Variants in CCDC85C observed in about 807,000 individuals in gnomAD.
CCDC85C encodes the protein coiled-coil domain containing 85C, also known as coiled-coil domain-containing protein 85C.
CCDC85C carries 18 observed loss-of-function variants against 38.3 expected under a neutral mutation model. That is an observed-to-expected ratio of 0.47 (90% CI 0.33 to 0.70). The LOEUF is 0.70. Among genes scored for constraint, CCDC85C ranks in the 30% least tolerant of loss-of-function variants. CCDC85C has a pLI of 0.03. For synonymous variants in CCDC85C, 264 were observed against 293.8 expected, an observed-to-expected ratio of 0.90 and a Z score of 1.04; for missense variants, 566 against 621.2, an observed-to-expected ratio of 0.91 and a Z score of 0.94.
Position 99,545,868 on chromosome 14 carries a change from C to A in CCDC85C, c.794-9780G>T, listed in dbSNP as rs1232281157. ...TGGGCATCAGTTTGCATTTTAAACG[C>A]CCTGTGGGTGATTCTAACATGCAGC... On this transcript the variant is annotated intron_variant, in intron 1 of 5. Coordinates refer to ENST00000380243, the MANE Select transcript of CCDC85C (RefSeq NM_001144995.2). This position sits in a 1 kb window ranked among gnomAD's most constrained non-coding sequence, Gnocchi z 4.7. Among the ~76,000 whole-genome samples, 1 of 152,080 alleles carries A rather than the reference C, an allele frequency of 6.6e-6. No individual in the cohort carries two copies. The highest frequency in any genetic ancestry group is 1.9e-4 in the East Asian group (1 of 5,154).
intron 1 of CCDC85C, among the ~76,000 whole-genome samples, chr14:99,565,669 G>A (rs1203166995): frequency 6.6e-6 from 1 of 152,202 alleles, no homozygotes; most frequent in African/African-American, 2.4e-5. Context: ...TCTCCCTGGT[G>A]CAGGTGGATA....
At chr14:99,539,778 TTTTA>T (rs1175565843) in intron 1 of CCDC85C, among the ~76,000 whole-genome samples, 1 of 152,234 alleles carries the variant, frequency 6.6e-6, no homozygotes. Context: ...ACCAGTGGGT[TTTTA>T]TTTATTCACA....
In CCDC85C at chr14:99,512,063, T is replaced by A. The variant is rs1897143496; in HGVS notation, c.*3183A>T. The stretch of plus-strand genomic sequence containing the variant: ...GCTCACAAAGAGGCCTTTATTTATC[T>A]AGCTCAAAGTAGACACTATCACAAT... On this transcript the variant is annotated 3_prime_UTR_variant, in exon 6 of 6. Coordinates refer to ENST00000380243, the MANE Select transcript of CCDC85C (RefSeq NM_001144995.2). 1 of 152,278 alleles carries A rather than the reference T, an allele frequency of 6.6e-6. No homozygotes were observed. Among genetic ancestry groups the A allele is most frequent in the African/African-American group, 2.4e-5 (1 of 41,476 alleles). 9.4% of individuals were successfully genotyped at this position (152,278 alleles called of 1,614,324 possible).
At position 99,558,142 on chromosome 14, in the gene CCDC85C, G is replaced by A. The variant is rs930606344; in HGVS notation, c.794-22054C>T. Among the ~76,000 whole-genome samples the A allele has an allele frequency of 1.4e-4, 22 of 152,120 alleles. No individual in the cohort carries two copies. The highest frequency in any genetic ancestry group is 4.6e-4 in the Admixed American group (7 of 15,266). ...TTTCTCAGGGTCTCCTTGAAACCACGAGGTTTCCAGTGTGGACTGATGGCA... is the reference window on the plus strand; with the variant it reads ...TTTCTCAGGGTCTCCTTGAAACCACAAGGTTTCCAGTGTGGACTGATGGCA... On this transcript the variant is annotated intron_variant, in intron 1 of 5. Transcript: ENST00000380243. This position sits in a 1 kb window ranked among gnomAD's most constrained non-coding sequence, Gnocchi z 4.2.
In CCDC85C at chr14:99,576,070, C is replaced by G. The variant is rs1223902449; in HGVS notation, c.793+27097G>C. Among the ~76,000 whole-genome samples the G allele has an allele frequency of 6.6e-6, 1 of 152,194 alleles. No homozygotes were observed. Among genetic ancestry groups the G allele is most frequent in the Non-Finnish European group, 1.5e-5 (1 of 68,028 alleles). On this transcript the variant is annotated intron_variant, in intron 1 of 5. Transcript: ENST00000380243. This position sits in a 1 kb window ranked among gnomAD's most constrained non-coding sequence, Gnocchi z 4.8. The stretch of plus-strand genomic sequence containing the variant: ...CCTCCAAACCTCACCGATCTGTGCC[C>G]GTCTAATGAGGGTGGCTCACACTAA...
chr14:99,576,190 G>A lies in CCDC85C; in HGVS notation c.793+26977C>T, dbSNP rs1226863071. Among the ~76,000 whole-genome samples the A allele has an allele frequency of 3.9e-5, 6 of 152,342 alleles. No homozygotes were observed. Among genetic ancestry groups the A allele is most frequent in the Non-Finnish European group, 5.9e-5 (4 of 68,036 alleles). Reference sequence around the variant, plus strand: ...GCATAAACAGACCACAAGTCAAACTGTGACCTTGGGTGAGGATTTCAAGAG... The same window carrying A: ...GCATAAACAGACCACAAGTCAAACTATGACCTTGGGTGAGGATTTCAAGAG... On this transcript the variant is annotated intron_variant, in intron 1 of 5. Transcript: ENST00000380243. This position sits in a 1 kb window ranked among gnomAD's most constrained non-coding sequence, Gnocchi z 4.8.
rs901406611 is a variant in CCDC85C, at chr14:99,502,477, A to G, written c.*12769T>C. 4 of 1,463,058 alleles carry G rather than the reference A, an allele frequency of 2.7e-6. No homozygotes were observed. The highest frequency in any genetic ancestry group is 2.9e-5 in the South Asian group (2 of 69,826). The allele number at this position is 1,463,058 out of a possible 1,614,324, so 90.6% of individuals were successfully genotyped here. ...AGAATGGATTTTCCCAGATAGACAT[A>G]TGTGAGCAATATTTCAGAAGCATCA... On this transcript the variant is annotated 3_prime_UTR_variant, in exon 6 of 6. Transcript: ENST00000380243.
Position 99,509,611 on chromosome 14 carries a change from G to A in CCDC85C, c.*5635C>T, listed in dbSNP as rs1897069274. On this transcript the variant is annotated 3_prime_UTR_variant, in exon 6 of 6. Transcript: ENST00000380243. The stretch of plus-strand genomic sequence containing the variant: ...GCTGCTATCTGAGAGCACACAGTGG[G>A]GTTTGATGTAGCCTCTCTTGAGTAG... 6.2e-6 allele frequency: 1 copy of A among 161,542 alleles called. No homozygotes were observed. Among genetic ancestry groups the A allele is most frequent in the African/African-American group, 2.4e-5 (1 of 41,510 alleles). 10.0% of individuals were successfully genotyped at this position (161,542 alleles called of 1,614,324 possible).
At chr14:99,561,706 C>G (rs1045052756) in intron 1 of CCDC85C, among the ~76,000 whole-genome samples, 1 of 152,168 alleles carries the variant, frequency 6.6e-6, no homozygotes, top group African/African-American at 2.4e-5. Flanking sequence ...CCACCCAGGG[C>G]CCCAGCCTGG....
In CCDC85C at chr14:99,548,314, C is replaced by A. The variant is rs761874403; in HGVS notation, c.794-12226G>T. On this transcript the variant is annotated intron_variant, in intron 1 of 5. Transcript: ENST00000380243. This position sits in a 1 kb window ranked among gnomAD's most constrained non-coding sequence, Gnocchi z 4.9. Reference sequence around the variant, plus strand: ...AGAAGTCTGTGAGGAGACGCCCAACCGCAGGTGTCATCAAGGAAACCCAAT... The same window carrying A: ...AGAAGTCTGTGAGGAGACGCCCAACAGCAGGTGTCATCAAGGAAACCCAAT... Among the ~76,000 whole-genome samples, 1 of 152,098 alleles carries A rather than the reference C, an allele frequency of 6.6e-6. No individual in the cohort carries two copies. The highest frequency in any genetic ancestry group is 6.5e-5 in the Admixed American group (1 of 15,268).
At chr14:99,517,641 C>T (rs1393904449) in intron 3 of CCDC85C, among the ~76,000 whole-genome samples, 2 of 152,198 alleles carry the variant, frequency 1.3e-5, no homozygotes, top group South Asian at 2.1e-4. Context: ...AGGCCGGCTT[C>T]GCCCTGAGCA....
chr14:99,536,560 C>T (rs8008174), intron 1 of CCDC85C, among the ~76,000 whole-genome samples: 151,111 of 152,298 alleles, frequency 0.99, 74,976 homozygotes, highest in East Asian at 1. Flanking sequence ...AGTGGGGAAA[C>T]AGACTCCTGA....
rs1897294146 is a variant in CCDC85C, at chr14:99,520,808, AC to A, written c.975+1324del. On this transcript the variant is annotated intron_variant, in intron 3 of 5. Transcript: ENST00000380243. The surrounding 1 kb of genome is among the most constrained non-coding windows in gnomAD (Gnocchi z 4.1). The stretch of plus-strand genomic sequence containing the variant: ...CTTCCTCCTCTCCAAAGTAGGGGAC[AC>A]CCCTTCATGCACAGAGCAGTCTAGA... 6.6e-6 allele frequency among the ~76,000 whole-genome samples: 1 copy of A among 152,202 alleles called. No individual in the cohort carries two copies. Among genetic ancestry groups the A allele is most frequent in the South Asian group, 2.1e-4 (1 of 4,834 alleles).
chr14:99,532,729 C>G (rs944231068), intron 2 of CCDC85C, among the ~76,000 whole-genome samples: 1 of 151,990 alleles, frequency 6.6e-6, no homozygotes, highest in Non-Finnish European at 1.5e-5. Flanking sequence ...CCTCCATGGC[C>G]AGCAGGAACC....
In CCDC85C at chr14:99,503,297, T is replaced by C; in HGVS notation, c.*11949A>G. On this transcript the variant is annotated 3_prime_UTR_variant, in exon 6 of 6. Coordinates refer to ENST00000380243, the MANE Select transcript of CCDC85C (RefSeq NM_001144995.2). ...AGTGTCGTTGTGCATGCTGCTTCTG[T>C]GCAGCTGCCTGACCCCAAACAGTGG... 1 of 612,088 alleles carries C rather than the reference T, an allele frequency of 1.6e-6. No individual in the cohort carries two copies. The highest frequency in any genetic ancestry group is 2.9e-6 in the Non-Finnish European group (1 of 341,364). 37.9% of individuals were successfully genotyped at this position (612,088 alleles called of 1,614,324 possible). A position where few individuals can be genotyped will look rare whatever the true frequency, so the allele number is the denominator to read the frequency against.
rs535168429 is a variant in CCDC85C, at chr14:99,533,829, C to T, written c.867+2186G>A. The stretch of plus-strand genomic sequence containing the variant: ...GGTGGACACAGGTTATGGTGGAGGG[C>T]CCCCTGTGAGACCGGGGGGCACCCC... On this transcript the variant is annotated intron_variant, in intron 2 of 5. Coordinates refer to ENST00000380243, the MANE Select transcript of CCDC85C (RefSeq NM_001144995.2). This position sits in a 1 kb window ranked among gnomAD's most constrained non-coding sequence, Gnocchi z 4.2. Among the ~76,000 whole-genome samples, 15 of 152,310 alleles carry T rather than the reference C, an allele frequency of 9.8e-5. No individual in the cohort carries two copies. In the South Asian group the frequency reaches 2.1e-3, roughly 21 times the overall value.
At position 99,533,680 on chromosome 14, in the gene CCDC85C, AGGGAGCTGGT is replaced by A. The variant is rs1464016995; in HGVS notation, c.867+2325_867+2334del. 1.3e-5 allele frequency among the ~76,000 whole-genome samples: 2 copies of A among 152,170 alleles called. No individual in the cohort carries two copies. The highest frequency in any genetic ancestry group is 4.8e-5 in the African/African-American group (2 of 41,460). On this transcript the variant is annotated intron_variant, in intron 2 of 5. Coordinates refer to ENST00000380243, the MANE Select transcript of CCDC85C (RefSeq NM_001144995.2). This position sits in a 1 kb window ranked among gnomAD's most constrained non-coding sequence, Gnocchi z 4.2. ...TGAACAGAGCCCTGCTGCTACCCCC[AGGGAGCTGGT>A]GGGAGCAGGCCTGGGGAGGAAGAGG... is the stretch of plus-strand genomic sequence containing the variant.
intron 1 of CCDC85C, among the ~76,000 whole-genome samples, chr14:99,542,740 C>T (rs1011164835): frequency 2.6e-5 from 4 of 152,232 alleles, no homozygotes; most frequent in Non-Finnish European, 4.4e-5. Flanking sequence ...AACCCTTGGC[C>T]GCTGCTTCAT....
rs904520652 is a variant in CCDC85C, at chr14:99,535,385, T to C, written c.867+630A>G. ...CCAAGCGTGACTGCCCATAGCCTCCTCTCGGCAGCCCCCACGCCTGCCCCA... is the reference window on the plus strand; with the variant it reads ...CCAAGCGTGACTGCCCATAGCCTCCCCTCGGCAGCCCCCACGCCTGCCCCA... On this transcript the variant is annotated intron_variant, in intron 2 of 5. Coordinates refer to ENST00000380243, the MANE Select transcript of CCDC85C (RefSeq NM_001144995.2). This position sits in a 1 kb window ranked among gnomAD's most constrained non-coding sequence, Gnocchi z 5.5. 9.2e-5 allele frequency among the ~76,000 whole-genome samples: 14 copies of C among 152,052 alleles called. No individual in the cohort carries two copies. Among genetic ancestry groups the C allele is most frequent in the Non-Finnish European group, 1.9e-4 (13 of 67,988 alleles).
Sources: gnomAD v4.1 joint callset for allele counts (sites outside exome capture counted in the v4.1 genomes callset) on GRCh38, gnomAD v4.1.1 for gene constraint, Gnocchi (gnomAD v3.1) non-coding constraint, MANE v1.5 for transcripts, NCBI Gene and HGNC (gene_info 2026-07-23, HGNC 2026-07-21) for gene names.